The following DRC9 variants were observed in gnomAD, a reference collection of about 807,000 sequenced individuals.
The protein encoded by DRC9 is dynein regulatory complex protein 9.
the DRC9 span, among the ~76,000 whole-genome samples, chr3:197,902,055 A>T: frequency 1.3e-5 from 2 of 152,160 alleles, no homozygotes; most frequent in East Asian, 3.8e-4. Flanking sequence ...GAAAGTAAGG[A>T]AAAAGAACAA....
the DRC9 span, among the ~76,000 whole-genome samples, chr3:197,943,469 C>T: frequency 2.0e-5 from 3 of 151,874 alleles, no homozygotes; most frequent in African/African-American, 7.3e-5. Context: ...GATCCCATCT[C>T]TATAGAATTT....
the DRC9 span, among the ~76,000 whole-genome samples, chr3:197,928,260 C>T: frequency 6.6e-6 from 1 of 151,570 alleles, no homozygotes; most frequent in African/African-American, 2.4e-5. Context: ...TATTTTTATC[C>T]TAACTTTTTC....
the DRC9 span, chr3:197,892,664 G>A: frequency 4.0e-5 from 64 of 1,613,262 alleles, no homozygotes; most frequent in Middle Eastern, 3.3e-4. Context: ...CTAAGTCACT[G>A]GCCTTTGTGG....
chr3:197,956,925 T>C, the DRC9 span: 1 of 152,222 alleles, frequency 6.6e-6, no homozygotes, highest in Non-Finnish European at 1.5e-5. Flanking sequence ...AGGTAGTTTT[T>C]TAAATTAACA....
chr3:197,952,814 C>T, the DRC9 span, among the ~76,000 whole-genome samples: 1 of 151,776 alleles, frequency 6.6e-6, no homozygotes, highest in African/African-American at 2.4e-5. Flanking sequence ...TTATGCATGC[C>T]TAAAGATGTT....
At chr3:197,934,948 G>A in the DRC9 span, among the ~76,000 whole-genome samples, 1 of 152,026 alleles carries the variant, frequency 6.6e-6, no homozygotes, top group East Asian at 1.9e-4. Flanking sequence ...TCCTGCCTGA[G>A]TGACAGAGTG....
At chr3:197,953,873 C>A in the DRC9 span, 1 of 817,802 alleles carries the variant, frequency 1.2e-6, no homozygotes, top group Non-Finnish European at 2.1e-6. Flanking sequence ...GAATGGTGTT[C>A]TAGGCATTTA....
chr3:197,912,603 TTC>T, the DRC9 span: 1 of 1,051,018 alleles, frequency 9.5e-7, no homozygotes, highest in East Asian at 2.4e-5. Context: ...CTTCAAAATA[TTC>T]TTTTTGTTTC....
chr3:197,945,619 C>T, the DRC9 span: 3 of 1,581,266 alleles, frequency 1.9e-6, no homozygotes, highest in Admixed American at 5.4e-5. Flanking sequence ...TTTAAACATA[C>T]TCTTCCATTC....
the DRC9 span, chr3:197,956,266 T>C: frequency 2.7e-4 from 48 of 176,564 alleles, no homozygotes; most frequent in African/African-American, 1.0e-3. Context: ...TGCTTTGTGA[T>C]ACTATGCATT....
chr3:197,953,980 C>T, the DRC9 span: 9 of 1,611,752 alleles, frequency 5.6e-6, no homozygotes, highest in African/African-American at 1.2e-4. Context: ...TTGTATTCCT[C>T]TTCTTTCCCT....
chr3:197,950,234 T>A, the DRC9 span: 71 of 1,230,884 alleles, frequency 5.8e-5, 1 homozygote, highest in Admixed American at 8.4e-5. Context: ...GAGTGAAGGG[T>A]CTGCTGCTGA....
the DRC9 span, chr3:197,951,396 G>A: frequency 1.4e-6 from 2 of 1,452,430 alleles, no homozygotes; most frequent in East Asian, 2.3e-5. Flanking sequence ...CTCTGTTGCC[G>A]AGGCTGGAAT....
the DRC9 span, among the ~76,000 whole-genome samples, chr3:197,892,355 G>C: frequency 6.6e-6 from 1 of 152,232 alleles, no homozygotes; most frequent in African/African-American, 2.4e-5. Flanking sequence ...CTTGGACAGA[G>C]TAGGCACTAC....
the DRC9 span, among the ~76,000 whole-genome samples, chr3:197,955,365 C>T: frequency 9.9e-5 from 15 of 151,560 alleles, no homozygotes; most frequent in Admixed American, 6.6e-4. Context: ...CAGGTTCAAG[C>T]GATTCTCCTG....
chr3:197,951,904 G>T, the DRC9 span, among the ~76,000 whole-genome samples: 3 of 152,164 alleles, frequency 2.0e-5, no homozygotes, highest in African/African-American at 7.2e-5. Flanking sequence ...CCCCATGTTG[G>T]CCAGGCTGGA....
At chr3:197,935,867 C>G in the DRC9 span, among the ~76,000 whole-genome samples, 1 of 152,212 alleles carries the variant, frequency 6.6e-6, no homozygotes, top group Non-Finnish European at 1.5e-5. Flanking sequence ...AGCCAACCTC[C>G]TCTGCCCAGG....
chr3:197,951,600 A>C, the DRC9 span: 9 of 397,858 alleles, frequency 2.3e-5, no homozygotes, highest in Non-Finnish European at 4.2e-5. Flanking sequence ...TGATCCGCCC[A>C]CCTCGGCCTC....
the DRC9 span, among the ~76,000 whole-genome samples, chr3:197,901,428 G>A: frequency 3.3e-5 from 5 of 152,138 alleles, no homozygotes; most frequent in Non-Finnish European, 4.4e-5. The surrounding 1 kb of genome is among the most constrained non-coding windows in gnomAD (Gnocchi z 4.4). Context: ...ATGAGCCACC[G>A]CCCCCGGCCC....
Sources: allele counts gnomAD v4.1 joint callset (sites outside exome capture counted in the v4.1 genomes callset), GRCh38; gene constraint gnomAD v4.1.1; non-coding constraint Gnocchi (gnomAD v3.1); transcripts MANE v1.5; gene names NCBI Gene and HGNC (gene_info 2026-07-23, HGNC 2026-07-21).